SPRED1: variants seen among roughly 807,000 people sequenced by gnomAD.
SPRED1 encodes sprouty related EVH1 domain containing 1, also known as sprouty-related, EVH1 domain-containing protein 1.
In SPRED1, 18 loss-of-function variants were observed where a neutral mutation model predicts 52.3. That is an observed-to-expected ratio of 0.34 (90% CI 0.24 to 0.51). The LOEUF (loss-of-function observed/expected upper bound fraction) is 0.51, where lower values mean the gene tolerates loss of function less well. SPRED1 is among the 20% of genes least tolerant of loss of function. SPRED1 has a pLI of 0.97. For synonymous variants in SPRED1, 155 were observed against 179.7 expected (o/e 0.86, Z 1.10); for missense variants, 485 against 551.0 (o/e 0.88, Z 1.20).
At chr15:38,262,266 T>TA (rs1894221411) in intron 1 of SPRED1, among the ~76,000 whole-genome samples, 1 of 152,206 alleles carries the variant, frequency 6.6e-6, no homozygotes, top group African/African-American at 2.4e-5. Flanking sequence ...GATACAAAGA[T>TA]AATTAAAACT....
intron 4 of SPRED1, among the ~76,000 whole-genome samples, chr15:38,328,554 A>C (rs1206118626): frequency 6.6e-6 from 1 of 152,162 alleles, no homozygotes; most frequent in Admixed American, 6.5e-5. Context: ...TTTATTCCTG[A>C]TGTGTAGTAT....
rs1447190026 is a variant in SPRED1, at chr15:38,353,858, A to T, written c.*2194A>T. On this transcript the variant is annotated 3_prime_UTR_variant, in exon 7 of 7. Coordinates refer to ENST00000299084, the MANE Select transcript of SPRED1 (RefSeq NM_152594.3). Reference sequence around the variant, plus strand: ...AATTTAATCATTTCTTCTGTTAAGCACTAATCAGTATAGTGCAACTCCTGG... The same window carrying T: ...AATTTAATCATTTCTTCTGTTAAGCTCTAATCAGTATAGTGCAACTCCTGG... The T allele has an allele frequency of 1.8e-4, 27 of 152,638 alleles. No homozygotes were observed. The highest frequency in any genetic ancestry group is 2.4e-4 in the Non-Finnish European group (16 of 68,002). The allele number at this position is 152,638 out of a possible 1,614,324, so 9.5% of individuals were successfully genotyped here. A position where few individuals can be genotyped will look rare whatever the true frequency, so the allele number is the denominator to read the frequency against.
intron 2 of SPRED1, among the ~76,000 whole-genome samples, chr15:38,321,512 A>G (rs573617900): frequency 1.3e-5 from 2 of 152,266 alleles, no homozygotes; most frequent in South Asian, 2.1e-4. Flanking sequence ...GGCCAAGTGT[A>G]TTTGTTTTAC....
chr15:38,278,221 C>T (rs1894602034), intron 1 of SPRED1, among the ~76,000 whole-genome samples: 2 of 152,134 alleles, frequency 1.3e-5, no homozygotes, highest in South Asian at 2.1e-4. Context: ...GTGGCCTATA[C>T]CTGTAATCCC....
chr15:38,344,190 A>C (rs1896083691), intron 5 of SPRED1, among the ~76,000 whole-genome samples: 1 of 152,190 alleles, frequency 6.6e-6, no homozygotes. Context: ...AGTGGCGGGC[A>C]GAAGAACTCA....
intron 5 of SPRED1, among the ~76,000 whole-genome samples, chr15:38,348,528 T>C (rs1035123465): frequency 2.5e-4 from 38 of 152,232 alleles, no homozygotes; most frequent in African/African-American, 9.1e-4. Flanking sequence ...AGGTCTAAGA[T>C]GGAAGGAAGA....
At chr15:38,341,208 T>G (rs1267990372) in intron 5 of SPRED1, among the ~76,000 whole-genome samples, 1 of 151,988 alleles carries the variant, frequency 6.6e-6, no homozygotes, top group Non-Finnish European at 1.5e-5. Context: ...CTTCTCTCCT[T>G]TGATTATTCT....
chr15:38,340,995 A>ATTTTTTT lies in SPRED1; in HGVS notation c.582+1112_582+1118dup, dbSNP rs36150872. Among the ~76,000 whole-genome samples, 19 of 128,284 alleles carry ATTTTTTT rather than the reference A, an allele frequency of 1.5e-4. 1 individual carries two copies. In the East Asian group the frequency reaches 3.2e-3, roughly 21 times the overall value. The allele number at this position is 128,284 out of a possible 152,430, so 84.2% of individuals were successfully genotyped here. On this transcript the variant is annotated intron_variant, in intron 5 of 6. Transcript: ENST00000299084. ...CCTTAGTGAAGCCACCTGGGCCTGG[A>ATTTTTTT]TTTTTTTTTTTTTTTTTTAGATGGT...
chr15:38,292,723 A>C (rs1894949246), intron 1 of SPRED1, among the ~76,000 whole-genome samples: 1 of 152,124 alleles, frequency 6.6e-6, no homozygotes, highest in Non-Finnish European at 1.5e-5. Context: ...ATTCTGGGAG[A>C]TACAATTCAA....
chr15:38,313,568 G>T (rs1211116632), intron 2 of SPRED1, among the ~76,000 whole-genome samples: 1 of 151,594 alleles, frequency 6.6e-6, no homozygotes. Flanking sequence ...TAGGATAAAT[G>T]ATTATAATTC....
At chr15:38,341,292 T>C (rs139673136) in intron 5 of SPRED1, among the ~76,000 whole-genome samples, 985 of 152,220 alleles carry the variant, frequency 6.5e-3, no homozygotes, top group South Asian at 0.018. Context: ...ATGTTTGTTT[T>C]CTATTTCATT....
At position 38,272,276 on chromosome 15, in the gene SPRED1, G is replaced by GTTTTTTTTTTTTTTTT. The variant is rs1555387949; in HGVS notation, c.32+19069_32+19070insTTTTTTTTTTTTTTTT. On this transcript the variant is annotated intron_variant, in intron 1 of 6. Transcript: ENST00000299084. Reference sequence around the variant, plus strand: ...TGAGATTGTAGGGGTCGAATGCTAGGTTTTTTTTTTGAGATGAAGTCTTGC... The same window carrying GTTTTTTTTTTTTTTTT: ...TGAGATTGTAGGGGTCGAATGCTAGGTTTTTTTTTTTTTTTTTTTTTTTTTTGAGATGAAGTCTTGC... Among the ~76,000 whole-genome samples the GTTTTTTTTTTTTTTTT allele has an allele frequency of 5.3e-5, 7 of 131,424 alleles. 2 individuals are homozygous for GTTTTTTTTTTTTTTTT. Among genetic ancestry groups the GTTTTTTTTTTTTTTTT allele is most frequent in the Non-Finnish European group, 4.8e-5 (3 of 63,004 alleles). The allele number at this position is 131,424 out of a possible 152,430, so 86.2% of individuals were successfully genotyped here. A position where few individuals can be genotyped will look rare whatever the true frequency, so the allele number is the denominator to read the frequency against.
At chr15:38,294,686 A>G (rs1894997227) in intron 1 of SPRED1, among the ~76,000 whole-genome samples, 1 of 152,170 alleles carries the variant, frequency 6.6e-6, no homozygotes. Flanking sequence ...GTCGACCAAA[A>G]CAATATAAAT....
At chr15:38,276,565 T>C (rs968275055) in intron 1 of SPRED1, among the ~76,000 whole-genome samples, 17 of 152,190 alleles carry the variant, frequency 1.1e-4, no homozygotes, top group Non-Finnish European at 2.2e-4. Flanking sequence ...GTCTTATTTT[T>C]CCCATGTTTC....
intron 5 of SPRED1, among the ~76,000 whole-genome samples, chr15:38,345,782 G>A (rs911438882): frequency 6.6e-6 from 1 of 152,154 alleles, no homozygotes; most frequent in African/African-American, 2.4e-5. Flanking sequence ...TGAGGAAGGA[G>A]ATACTGTCTT....
At chr15:38,324,837 A>T (rs1184914617) in intron 4 of SPRED1, 28 bp downstream of exon 4, 1 of 1,590,356 alleles carries the variant, frequency 6.3e-7, no homozygotes, top group Non-Finnish European at 8.6e-7. Context: ...AGGAATTTGT[A>T]AACATAAAGG....
intron 2 of SPRED1, among the ~76,000 whole-genome samples, chr15:38,307,080 A>T (rs1895264999): frequency 6.6e-6 from 1 of 152,198 alleles, no homozygotes; most frequent in Non-Finnish European, 1.5e-5. Context: ...TATCATAGCT[A>T]AATTAAAGCC....
At position 38,324,161 on chromosome 15, in the gene SPRED1, A is replaced by G. The variant is rs545339065; in HGVS notation, c.377-602A>G. ...TACTCCGTGCTAAGCTGTGCCTCTCAAGGGTAGCATGAACTAAGAGTACTT... is the reference window on the plus strand; with the variant it reads ...TACTCCGTGCTAAGCTGTGCCTCTCGAGGGTAGCATGAACTAAGAGTACTT... On this transcript the variant is annotated intron_variant, in intron 3 of 6. Coordinates refer to ENST00000299084, the MANE Select transcript of SPRED1 (RefSeq NM_152594.3). 4.6e-5 allele frequency among the ~76,000 whole-genome samples: 7 copies of G among 152,274 alleles called. No individual in the cohort carries two copies. In the South Asian group the frequency reaches 1.5e-3, roughly 32 times the overall value.
intron 1 of SPRED1, among the ~76,000 whole-genome samples, chr15:38,275,173 C>T (rs1894523016): frequency 6.6e-6 from 1 of 152,042 alleles, no homozygotes; most frequent in Non-Finnish European, 1.5e-5. Flanking sequence ...ATAGAAGAGC[C>T]TTATTTTCTC....
Sources: allele counts gnomAD v4.1 joint callset (sites outside exome capture counted in the v4.1 genomes callset), GRCh38; gene constraint gnomAD v4.1.1; transcripts MANE v1.5; gene names NCBI Gene and HGNC (gene_info 2026-07-23, HGNC 2026-07-21).